The following TCF4 variants were observed in gnomAD, a reference collection of about 807,000 sequenced individuals.
TCF4 encodes the protein SL3-3 enhancer factor 2.
TCF4 carries 3 observed loss-of-function variants against 82.1 expected under a neutral mutation model. The ratio of observed to expected loss-of-function variants is 0.04; its 90% CI spans 0.02 to 0.09. The LOEUF is 0.09. TCF4 is among the 10% of genes least tolerant of loss of function. The pLI is 1.00. For missense variants in TCF4, 518 were observed against 852.7 expected, an observed-to-expected ratio of 0.61 and a Z score of 4.89; for synonymous variants, 276 against 309.6, an observed-to-expected ratio of 0.89 and a Z score of 1.14.
At chr18:55,556,913 A>C (rs2097309560) in intron 3 of TCF4, among the ~76,000 whole-genome samples, 1 of 152,210 alleles carries the variant, frequency 6.6e-6, no homozygotes, top group South Asian at 2.1e-4. Context: ...GTACTTTAAG[A>C]GTAATTTAAA....
chr18:55,433,409 T>C (rs185199351), intron 5 of TCF4, among the ~76,000 whole-genome samples: 2 of 152,234 alleles, frequency 1.3e-5, no homozygotes, highest in Non-Finnish European at 1.5e-5. Flanking sequence ...TCAATAAACA[T>C]GTATGGGCTT....
chr18:55,351,678 C>T, intron 6 of TCF4: 1 of 253,498 alleles, frequency 3.9e-6, no homozygotes, highest in Non-Finnish European at 6.2e-6. Context: ...TTTACCTGAA[C>T]ACTAGAAAAC....
At chr18:55,463,582 T>C (rs114094593) in intron 4 of TCF4, among the ~76,000 whole-genome samples, 2,926 of 152,274 alleles carry the variant, frequency 0.019, 68 homozygotes, top group African/African-American at 0.053. Context: ...CATGTCTACA[T>C]AGCGAAATCA....
chr18:55,374,073 GA>G (rs1449909749), intron 6 of TCF4, among the ~76,000 whole-genome samples: 1 of 151,930 alleles, frequency 6.6e-6, no homozygotes, highest in Non-Finnish European at 1.5e-5. Flanking sequence ...AACTACACAA[GA>G]ATGCAAAATA....
intron 8 of TCF4, among the ~76,000 whole-genome samples, chr18:55,289,918 T>C (rs2064638131): frequency 6.6e-6 from 1 of 151,356 alleles, no homozygotes; most frequent in African/African-American, 2.4e-5. Context: ...CTTGGACATA[T>C]GTGTGTGTGC....
chr18:55,405,633 T>A (rs978185017), intron 5 of TCF4, among the ~76,000 whole-genome samples: 2 of 152,098 alleles, frequency 1.3e-5, no homozygotes, highest in African/African-American at 4.8e-5. Flanking sequence ...CTTATAGATA[T>A]AAGTTGGGCT....
intron 15 of TCF4, among the ~76,000 whole-genome samples, chr18:55,235,811 ATT>A (rs5825130): frequency 6.6e-6 from 1 of 151,594 alleles, no homozygotes; most frequent in Admixed American, 6.6e-5. Flanking sequence ...AATCAGGTTT[ATT>A]TTTTTTTCCA....
At chr18:55,332,278 C>T (rs534318159) in intron 8 of TCF4, 1 of 151,654 alleles carries the variant, frequency 6.6e-6, no homozygotes, top group Admixed American at 6.6e-5. Flanking sequence ...ATTTGTTGTC[C>T]TTTCCAACAC....
chr18:55,301,664 G>T (rs1283863435), intron 8 of TCF4, among the ~76,000 whole-genome samples: 1 of 151,928 alleles, frequency 6.6e-6, no homozygotes, highest in Non-Finnish European at 1.5e-5. Context: ...TGGGCCTAGG[G>T]AGCACAGAAC....
At chr18:55,293,707 G>C (rs144304916) in intron 8 of TCF4, among the ~76,000 whole-genome samples, 5 of 152,262 alleles carry the variant, frequency 3.3e-5, no homozygotes, top group African/African-American at 1.2e-4. Flanking sequence ...AGCATGTCCA[G>C]TGCCTGAATG....
chr18:55,534,420 A>C (rs963315848), intron 3 of TCF4, among the ~76,000 whole-genome samples: 1 of 152,250 alleles, frequency 6.6e-6, no homozygotes, highest in African/African-American at 2.4e-5. Context: ...TTACTGAGGA[A>C]GAGACACATA....
intron 3 of TCF4, among the ~76,000 whole-genome samples, chr18:55,514,085 C>G (rs755127229): frequency 4.6e-5 from 7 of 152,276 alleles, no homozygotes; most frequent in Non-Finnish European, 8.8e-5. Flanking sequence ...ACATGTATTC[C>G]TCTTCTGAAA....
At chr18:55,387,172 T>C (rs1351268641) in intron 6 of TCF4, among the ~76,000 whole-genome samples, 1 of 152,234 alleles carries the variant, frequency 6.6e-6, no homozygotes, top group Non-Finnish European at 1.5e-5. Context: ...ATCTCTAAGT[T>C]CATTCCACAT....
At chr18:55,542,771 A>G (rs2097175182) in intron 3 of TCF4, among the ~76,000 whole-genome samples, 1 of 152,044 alleles carries the variant, frequency 6.6e-6, no homozygotes, top group Non-Finnish European at 1.5e-5. Flanking sequence ...AATGGAAAAC[A>G]CAACATTTTA....
At chr18:55,424,953 C>T (rs1212292386) in intron 5 of TCF4, among the ~76,000 whole-genome samples, 1 of 152,196 alleles carries the variant, frequency 6.6e-6, no homozygotes, top group African/African-American at 2.4e-5. Context: ...CACTCAAACC[C>T]TCCAAAGAAC....
chr18:55,379,450 G>A (rs1234573814), intron 6 of TCF4, among the ~76,000 whole-genome samples: 23 of 152,146 alleles, frequency 1.5e-4, no homozygotes, highest in Admixed American at 1.4e-3. Context: ...AGATGCAGCA[G>A]CTCCAGGAGC....
chr18:55,236,615 T>C (rs1436650763), intron 15 of TCF4, among the ~76,000 whole-genome samples: 6 of 152,202 alleles, frequency 3.9e-5, no homozygotes, highest in Admixed American at 3.9e-4. Context: ...AGAAGCATGA[T>C]AGCTATTTTC....
intron 5 of TCF4, among the ~76,000 whole-genome samples, chr18:55,440,498 C>T (rs954760604): frequency 3.9e-5 from 6 of 152,182 alleles, no homozygotes; most frequent in Non-Finnish European, 5.9e-5. Flanking sequence ...CCTTTGTGAA[C>T]ACTGGGGTGA....
chr18:55,454,713 A>G (rs1420209375), intron 5 of TCF4, among the ~76,000 whole-genome samples: 1 of 152,214 alleles, frequency 6.6e-6, no homozygotes. Context: ...AGAACAATAA[A>G]ACATCTCCAA....
Sources: allele counts gnomAD v4.1 joint callset (sites outside exome capture counted in the v4.1 genomes callset), GRCh38; gene constraint gnomAD v4.1.1; transcripts MANE v1.5; gene names NCBI Gene and HGNC (gene_info 2026-07-23, HGNC 2026-07-21).